CCDC178: variants seen among roughly 807,000 people sequenced by gnomAD.
CCDC178 encodes the protein coiled-coil domain-containing protein 178.
A neutral mutation model predicts 117.4 loss-of-function variants in CCDC178; 126 were observed. That is an observed-to-expected ratio of 1.07 (90% CI 0.93 to 1.24). The LOEUF is 1.24. Ranked by LOEUF, CCDC178 falls within the 50% of genes most tolerant of loss-of-function variation. CCDC178 has a pLI of 0.00. For missense variants in CCDC178, 1,030 were observed against 986.9 expected, an observed-to-expected ratio of 1.04 and a Z score of -0.59; for synonymous variants, 283 against 313.4, an observed-to-expected ratio of 0.90 and a Z score of 1.02.
intron 18 of CCDC178, among the ~76,000 whole-genome samples, chr18:33,220,341 A>G (rs2059216131): frequency 2.0e-5 from 3 of 152,200 alleles, no homozygotes; most frequent in Middle Eastern, 3.4e-3. Flanking sequence ...CCATTTTACA[A>G]TAGAAAATCC....
intron 20 of CCDC178, among the ~76,000 whole-genome samples, chr18:33,206,951 C>T (rs2059051357): frequency 6.6e-6 from 1 of 152,182 alleles, no homozygotes; most frequent in Non-Finnish European, 1.5e-5. Flanking sequence ...CCACATGGAC[C>T]ACTTTCATAT....
At chr18:33,008,779 T>C (rs754673406) in intron 21 of CCDC178, among the ~76,000 whole-genome samples, 1 of 152,052 alleles carries the variant, frequency 6.6e-6, no homozygotes, top group Non-Finnish European at 1.5e-5. Flanking sequence ...TATCCTGAGA[T>C]TACCTCATTT....
rs889288781 is a variant in CCDC178 at position 33,113,275 on chromosome 18, T to A, written c.2239-20365A>T. Among the ~76,000 whole-genome samples, 3 of 152,186 alleles carry A rather than the reference T, an allele frequency of 2.0e-5. No individual in the cohort carries two copies. In the East Asian group the frequency reaches 5.8e-4, roughly 29 times the overall value. ...AAAATTTTCTGCTAAAAATCAATAA[T>A]CCTTGATATGTTGAGAAACATTTAC... On this transcript the variant is annotated intron_variant, in intron 20 of 22. Coordinates refer to ENST00000383096, the MANE Select transcript of CCDC178 (RefSeq NM_001105528.4).
intron 20 of CCDC178, among the ~76,000 whole-genome samples, chr18:33,131,899 T>C (rs1242445655): frequency 1.3e-5 from 2 of 151,782 alleles, no homozygotes; most frequent in African/African-American, 2.4e-5. Context: ...TGCCTCCTTT[T>C]GGGGCAAAAC....
chr18:33,276,132 C>A (rs578169023), intron 12 of CCDC178, among the ~76,000 whole-genome samples: 1 of 152,116 alleles, frequency 6.6e-6, no homozygotes, highest in South Asian at 2.1e-4. Context: ...AAATACATAA[C>A]TCTTTGGGAA....
chr18:33,164,611 A>AC (rs938475821), intron 20 of CCDC178, among the ~76,000 whole-genome samples: 3 of 151,634 alleles, frequency 2.0e-5, no homozygotes, highest in African/African-American at 7.3e-5. Flanking sequence ...AAAAAAAAAA[A>AC]TGGTGGTAAG....
intron 2 of CCDC178, among the ~76,000 whole-genome samples, chr18:33,428,730 CAAAAA>C (rs35234261): frequency 7.1e-5 from 3 of 42,378 alleles, no homozygotes; most frequent in East Asian, 7.5e-4. Flanking sequence ...GACTCTGTCT[CAAAAA>C]AAAAAAAAAA....
At chr18:33,108,989 G>A (rs1243366020) in intron 20 of CCDC178, among the ~76,000 whole-genome samples, 1 of 151,602 alleles carries the variant, frequency 6.6e-6, no homozygotes, top group Admixed American at 6.6e-5. Context: ...ATTTCTGCAT[G>A]TTTATTTTTG....
intron 15 of CCDC178, among the ~76,000 whole-genome samples, chr18:33,231,617 G>T (rs887617998): frequency 7.2e-5 from 11 of 152,298 alleles, no homozygotes; most frequent in African/African-American, 2.6e-4. Context: ...TCAACAGAGG[G>T]CAGGGGACAG....
At chr18:32,971,187 C>T (rs937751054) in intron 22 of CCDC178, among the ~76,000 whole-genome samples, 1 of 151,810 alleles carries the variant, frequency 6.6e-6, no homozygotes, top group African/African-American at 2.4e-5. Flanking sequence ...CCCCACCCCA[C>T]TACAGGCCCT....
intron 5 of CCDC178, among the ~76,000 whole-genome samples, chr18:33,384,341 T>C (rs1568191586): frequency 6.6e-6 from 1 of 152,046 alleles, no homozygotes; most frequent in Non-Finnish European, 1.5e-5. Context: ...AGGCCAATTT[T>C]CAAATTCAGG....
At chr18:33,043,493 C>T (rs555462576) in intron 21 of CCDC178, among the ~76,000 whole-genome samples, 1 of 152,190 alleles carries the variant, frequency 6.6e-6, no homozygotes, top group South Asian at 2.1e-4. Context: ...AAGGCACTTA[C>T]ATCACTCTGT....
At chr18:33,389,131 C>T (rs1228394312) in intron 5 of CCDC178, among the ~76,000 whole-genome samples, 1 of 151,798 alleles carries the variant, frequency 6.6e-6, no homozygotes, top group Non-Finnish European at 1.5e-5. Context: ...TGCACATGTA[C>T]CCTGGAACTT....
chr18:33,120,190 A>G (rs1435946457), intron 20 of CCDC178, among the ~76,000 whole-genome samples: 1 of 145,856 alleles, frequency 6.9e-6, no homozygotes, highest in African/African-American at 2.7e-5. Context: ...ATAATAATAA[A>G]GAAAGAAAAA....
intron 21 of CCDC178, among the ~76,000 whole-genome samples, chr18:33,056,901 T>C (rs1305062457): frequency 6.6e-6 from 1 of 151,606 alleles, no homozygotes; most frequent in East Asian, 1.9e-4. Context: ...ATCATAAAAT[T>C]AGAAAAGTCA....
At chr18:32,959,039 G>A (rs972197016) in intron 22 of CCDC178, among the ~76,000 whole-genome samples, 1 of 152,124 alleles carries the variant, frequency 6.6e-6, no homozygotes, top group Admixed American at 6.6e-5. Context: ...CTATCTGAGA[G>A]GTTTGTTACA....
At chr18:32,958,112 C>T (rs2054631173) in intron 22 of CCDC178, 1 of 446,340 alleles carries the variant, frequency 2.2e-6, no homozygotes, top group Middle Eastern at 3.1e-4. Flanking sequence ...TGATGCTACA[C>T]ACTAATGAAT....
intron 21 of CCDC178, among the ~76,000 whole-genome samples, chr18:33,036,844 T>G (rs975668516): frequency 3.9e-5 from 6 of 151,970 alleles, no homozygotes; most frequent in African/African-American, 1.4e-4. Flanking sequence ...TAGGAAGCGG[T>G]TGGTGTAATC....
chr18:33,093,126 T>A (rs1345412950), intron 20 of CCDC178, among the ~76,000 whole-genome samples: 1 of 152,132 alleles, frequency 6.6e-6, no homozygotes, highest in Non-Finnish European at 1.5e-5. Flanking sequence ...GGTTTTTTTT[T>A]AACATTAATG....
Sources: allele counts gnomAD v4.1 joint callset (sites outside exome capture counted in the v4.1 genomes callset), GRCh38; gene constraint gnomAD v4.1.1; transcripts MANE v1.5; gene names NCBI Gene and HGNC (gene_info 2026-07-23, HGNC 2026-07-21).